The following FYB1 variants were observed in gnomAD, a reference collection of about 807,000 sequenced individuals.
FYB1 encodes FYN binding protein 1.
FYB1 carries 41 observed loss-of-function variants against 94.1 expected under a neutral mutation model. That is an observed-to-expected ratio of 0.44 (90% CI 0.34 to 0.57). FYB1 has a LOEUF of 0.57. Among genes scored for constraint, FYB1 ranks in the 20% least tolerant of loss-of-function variants. FYB1 has a pLI of 0.02. For missense variants in FYB1, 1,050 were observed against 976.8 expected (o/e 1.07, Z -1.00); for synonymous variants, 367 against 353.2 (o/e 1.04, Z -0.44).
chr5:39,161,236 T>C (rs1277237128), intron 2 of FYB1, among the ~76,000 whole-genome samples: 1 of 152,260 alleles, frequency 6.6e-6, no homozygotes, highest in Non-Finnish European at 1.5e-5. Flanking sequence ...ACTGCATGTA[T>C]CACACATTTA....
chr5:39,234,022 G>T (rs1750855163), intron 1 of FYB1, among the ~76,000 whole-genome samples: 1 of 152,072 alleles, frequency 6.6e-6, no homozygotes, highest in African/African-American at 2.4e-5. Context: ...CTTAGATGGG[G>T]TTTACTGTTA....
intron 3 of FYB1, among the ~76,000 whole-genome samples, chr5:39,151,455 A>G (rs1188748265): frequency 6.6e-6 from 1 of 151,916 alleles, no homozygotes; most frequent in Admixed American, 6.6e-5. Flanking sequence ...ATGCCCAGCT[A>G]ATTTTCAAAT....
At position 39,108,136 on chromosome 5, in the gene FYB1, T is replaced by C. The variant is rs1021329824; in HGVS notation, c.2467+95A>G. On this transcript the variant is annotated intron_variant, in intron 18 of 18. Transcript: ENST00000512982. Reference sequence around the variant, plus strand: ...TCAAGTGATTCAAATTCTGATCAGATTGGAAGTCTCTAATCCAACAAGCTA... The same window carrying C: ...TCAAGTGATTCAAATTCTGATCAGACTGGAAGTCTCTAATCCAACAAGCTA... The C allele has an allele frequency of 1.5e-5, 18 of 1,178,224 alleles. No homozygotes were observed. In the African/African-American group the frequency reaches 1.8e-4, roughly 12 times the overall value. The allele number at this position is 1,178,224 out of a possible 1,614,324, so 73.0% of individuals were successfully genotyped here.
At chr5:39,158,332 C>T (rs1260488304) in intron 2 of FYB1, among the ~76,000 whole-genome samples, 2 of 152,202 alleles carry the variant, frequency 1.3e-5, no homozygotes, top group African/African-American at 4.8e-5. Context: ...AGAGACTTTC[C>T]ATGAGTCAGT....
chr5:39,138,444 C>T (rs1434174116), intron 6 of FYB1: 2 of 423,430 alleles, frequency 4.7e-6, no homozygotes, highest in Admixed American at 8.6e-5. Flanking sequence ...TCTCTGGCCT[C>T]TCACACAATA....
Position 39,134,950 on chromosome 5 carries a change from T to C in FYB1, c.1580A>G (p.Asn527Ser). The change falls in exon 8 of 19, where the codon AAT (asparagine) becomes AGT (serine). Residue 527 changes from asparagine (N) to serine (S), a missense_variant. Coordinates refer to ENST00000512982, the MANE Select transcript of FYB1 (RefSeq NM_001465.6). ...CTCTCCTTGCTTGAAGCTCAGTTCA[T>C]TCTTTCCTCCTTTGACATCACAACA... ...KACCDVKGGK[N>S]ELSFKQGEQI... The C allele has an allele frequency of 6.2e-7, 1 of 1,613,990 alleles. No individual in the cohort carries two copies. The highest frequency in any genetic ancestry group is 8.5e-7 in the Non-Finnish European group (1 of 1,179,868).
intron 16 of FYB1, among the ~76,000 whole-genome samples, chr5:39,115,298 T>A (rs1739430449): frequency 6.6e-6 from 1 of 152,100 alleles, no homozygotes; most frequent in Non-Finnish European, 1.5e-5. Flanking sequence ...TTTTGTCATG[T>A]TGGCCAGGCT....
intron 1 of FYB1, chr5:39,213,013 G>A (rs1034746169): frequency 1.6e-5 from 2 of 123,382 alleles, no homozygotes; most frequent in Non-Finnish European, 1.7e-5. Flanking sequence ...ACCTTTACAC[G>A]CCCCCTGCCA....
intron 1 of FYB1, among the ~76,000 whole-genome samples, chr5:39,253,794 G>A (rs1321431730): frequency 6.6e-6 from 1 of 152,142 alleles, no homozygotes; most frequent in Non-Finnish European, 1.5e-5. Flanking sequence ...TCACCCAGGT[G>A]TAAGCCTAGT....
intron 16 of FYB1, chr5:39,110,615 C>T: frequency 2.3e-6 from 1 of 434,062 alleles, no homozygotes; most frequent in Non-Finnish European, 4.2e-6. Flanking sequence ...CTTTTTTCTC[C>T]AATTTCAACC....
At chr5:39,198,672 T>C (rs1748040122) in intron 2 of FYB1, among the ~76,000 whole-genome samples, 1 of 152,128 alleles carries the variant, frequency 6.6e-6, no homozygotes, top group Non-Finnish European at 1.5e-5. Context: ...TGTGAGATGA[T>C]TTTGCCCAAT....
rs773003798 is a variant in FYB1, at chr5:39,107,429, A to G, written c.*14T>C. 1.4e-5 allele frequency: 21 copies of G among 1,529,050 alleles called. No homozygotes were observed. Among genetic ancestry groups the G allele is most frequent in the Non-Finnish European group, 1.8e-5 (20 of 1,133,692 alleles). The allele number at this position is 1,529,050 out of a possible 1,614,324, so 94.7% of individuals were successfully genotyped here. On this transcript the variant is annotated 3_prime_UTR_variant, in exon 19 of 19. Coordinates refer to ENST00000512982, the MANE Select transcript of FYB1 (RefSeq NM_001465.6). ...GGCACCTAATGAACACAGCAGAATG[A>G]CCAAAGTTGAGTGCTAGTCATTGTC...
rs757630927 is a variant in FYB1, at chr5:39,225,709, G to T, written c.-27-22722C>A. Among the ~76,000 whole-genome samples, 13 of 152,256 alleles carry T rather than the reference G, an allele frequency of 8.5e-5. 1 individual carries two copies. The highest frequency in any genetic ancestry group is 1.6e-4 in the Non-Finnish European group (11 of 68,020). On this transcript the variant is annotated intron_variant, in intron 1 of 1. Coordinates refer to the FYB1 transcript ENST00000510188. ...AAAGGAAGAGATTTTTAAAGTATAA[G>T]ATTTCTAACAATTTCTCTTCATGCC... is the stretch of plus-strand genomic sequence containing the variant.
chr5:39,154,941 G>A (rs1221041854), intron 2 of FYB1, among the ~76,000 whole-genome samples: 1 of 152,012 alleles, frequency 6.6e-6, no homozygotes, highest in Non-Finnish European at 1.5e-5. Flanking sequence ...TTCAAAATTA[G>A]TATTTTCCTT....
At chr5:39,115,840 C>A (rs1323256552) in intron 16 of FYB1, among the ~76,000 whole-genome samples, 1 of 152,164 alleles carries the variant, frequency 6.6e-6, no homozygotes, top group Non-Finnish European at 1.5e-5. Context: ...CAGTAACATG[C>A]TCCTAGTGCC....
intron 2 of FYB1, among the ~76,000 whole-genome samples, chr5:39,183,125 C>T (rs370771526): frequency 2.6e-5 from 4 of 152,136 alleles, no homozygotes; most frequent in South Asian, 2.1e-4. Context: ...TGGGTTCAAG[C>T]GCTTCTCCTG....
At chr5:39,179,768 C>A (rs903175741) in intron 2 of FYB1, among the ~76,000 whole-genome samples, 2 of 152,034 alleles carry the variant, frequency 1.3e-5, no homozygotes, top group Non-Finnish European at 1.5e-5. Context: ...CATGAGTGAC[C>A]ACGCCCAGCC....
chr5:39,208,239 T>C (rs955842466), intron 1 of FYB1, among the ~76,000 whole-genome samples: 8 of 152,182 alleles, frequency 5.3e-5, no homozygotes, highest in African/African-American at 1.7e-4. Flanking sequence ...CCTTAAGATA[T>C]GTTTGTGTCA....
At chr5:39,113,846 AGT>A (rs1739289902) in intron 16 of FYB1, among the ~76,000 whole-genome samples, 1 of 152,152 alleles carries the variant, frequency 6.6e-6, no homozygotes, top group Admixed American at 6.6e-5. Context: ...AAATGCTCAT[AGT>A]ATAATAAAAG....
Sources: allele counts gnomAD v4.1 joint callset (sites outside exome capture counted in the v4.1 genomes callset), GRCh38; gene constraint gnomAD v4.1.1; transcripts MANE v1.5; gene names NCBI Gene and HGNC (gene_info 2026-07-23, HGNC 2026-07-21).